The following PIGS variants were observed in gnomAD, a reference collection of about 807,000 sequenced individuals.
PIGS encodes the protein GPI-anchor transamidase component PIGS.
In PIGS, 37 loss-of-function variants were observed where a neutral mutation model predicts 58.2. That is an observed-to-expected ratio of 0.64 (90% CI 0.49 to 0.84). The LOEUF (loss-of-function observed/expected upper bound fraction) is 0.84, where lower values mean the gene tolerates loss of function less well. PIGS is among the 40% of genes least tolerant of loss of function. The pLI, the probability that PIGS is intolerant of heterozygous loss-of-function variation, is 0.00. For missense variants in PIGS, 629 were observed against 710.8 expected (o/e 0.88, Z 1.31); for synonymous variants, 269 against 289.2 (o/e 0.93, Z 0.71).
chr17:28,557,949 C>T (rs529541630), intron 8 of PIGS, among the ~76,000 whole-genome samples: 3 of 152,248 alleles, frequency 2.0e-5, no homozygotes, highest in South Asian at 2.1e-4. Context: ...CTAGGAATCA[C>T]GTTTAATAAA....
intron 10 of PIGS, chr17:28,555,405 A>G (rs980852451): frequency 3.5e-6 from 1 of 287,654 alleles, no homozygotes; most frequent in African/African-American, 2.3e-5. Context: ...AAATGGGGCC[A>G]ATGGGACTTA....
chr17:28,562,740 T>G (rs1003780244), intron 5 of PIGS, among the ~76,000 whole-genome samples: 1 of 150,830 alleles, frequency 6.6e-6, no homozygotes, highest in Non-Finnish European at 1.5e-5. Flanking sequence ...GGCCGATTCT[T>G]GTATTGTTAG....
In PIGS at chr17:28,553,605, T is replaced by C; in HGVS notation, c.*615A>G. The C allele has an allele frequency of 6.5e-6, 1 of 154,058 alleles. No individual in the cohort carries two copies. The highest frequency in any genetic ancestry group is 2.4e-5 in the African/African-American group (1 of 41,244). 9.5% of individuals were successfully genotyped at this position (154,058 alleles called of 1,614,324 possible). On this transcript the variant is annotated 3_prime_UTR_variant, in exon 12 of 12. Coordinates refer to ENST00000308360, the MANE Select transcript of PIGS (RefSeq NM_033198.4). ...AAACAAGGATTTGAATTCAGGACTG[T>C]TTGATTCCAAATCTGGAACTTTCTG...
At chr17:28,566,210 G>A (rs2151514101) in intron 3 of PIGS, among the ~76,000 whole-genome samples, 1 of 135,484 alleles carries the variant, frequency 7.4e-6, no homozygotes, top group East Asian at 2.2e-4. Context: ...TTCAGCCTGA[G>A]TGTCAGACCC....
chr17:28,564,923 A>G (rs1168027214), intron 3 of PIGS, among the ~76,000 whole-genome samples: 3 of 152,176 alleles, frequency 2.0e-5, no homozygotes, highest in African/African-American at 7.2e-5. Context: ...ACAAAATATT[A>G]AACATAATTC....
chr17:28,561,714 C>T lies in PIGS; in HGVS notation c.469-85G>A, dbSNP rs866519873. On this transcript the variant is annotated intron_variant, in intron 5 of 11. Coordinates refer to ENST00000308360, the MANE Select transcript of PIGS (RefSeq NM_033198.4). Reference sequence around the variant, plus strand: ...CCTGGCTCCTACTGTTCCGAATCTGCCCCTTTGCCAATGACCAACAGGTTT... The same window carrying T: ...CCTGGCTCCTACTGTTCCGAATCTGTCCCTTTGCCAATGACCAACAGGTTT... The T allele has an allele frequency of 1.4e-5, 19 of 1,386,816 alleles. 1 individual carries two copies. In the Middle Eastern group the frequency reaches 2.2e-3, roughly 160 times the overall value. The allele number at this position is 1,386,816 out of a possible 1,614,324, so 85.9% of individuals were successfully genotyped here. A position where few individuals can be genotyped will look rare whatever the true frequency, so the allele number is the denominator to read the frequency against.
intron 10 of PIGS, 32 bp from the exon 11 acceptor site, chr17:28,555,093 C>T: frequency 6.4e-7 from 1 of 1,566,584 alleles, no homozygotes; most frequent in Non-Finnish European, 8.7e-7. Flanking sequence ...ATCAAGGTGG[C>T]TGAGACCACA....
chr17:28,570,518 A>G (rs2151515035), intron 3 of PIGS, among the ~76,000 whole-genome samples: 1 of 152,326 alleles, frequency 6.6e-6, no homozygotes, highest in South Asian at 2.1e-4. Context: ...CTCAAAATAT[A>G]ATAAATAAAT....
In PIGS at chr17:28,571,096, G is replaced by T; in HGVS notation, c.127C>A (p.Arg43=). The T allele has an allele frequency of 6.2e-7, 1 of 1,614,080 alleles. No homozygotes were observed. Among genetic ancestry groups the T allele is most frequent in the South Asian group, 1.1e-5 (1 of 91,082 alleles). Residue 43 remains arginine (R), a synonymous_variant, in exon 2 of 12, where the codon CGG becomes AGG. Coordinates refer to ENST00000308360, the MANE Select transcript of PIGS (RefSeq NM_033198.4). ...ATCTGGGAGTAAGGCAACGAGGCCC[G>T]GTAGGTCTCCGTGGTCTTCCACCAG... is the stretch of plus-strand genomic sequence containing the variant. ...PLWWKTTETY[R]ASLPYSQISG... is the part of the protein sequence containing the mutation.
intron 3 of PIGS, among the ~76,000 whole-genome samples, chr17:28,566,289 G>A (rs367913847): frequency 8.0e-5 from 4 of 49,786 alleles, no homozygotes; most frequent in Non-Finnish European, 1.7e-4. Context: ...TTTTTTTTTT[G>A]TTTTTTTGGG....
chr17:28,563,318 G>C (rs2070374980), intron 5 of PIGS, 113 bp downstream of exon 5: 2 of 970,378 alleles, frequency 2.1e-6, no homozygotes, highest in Admixed American at 2.2e-5. Flanking sequence ...TTTTTTTGGA[G>C]AGTTTTCTGT....
At chr17:28,569,885 G>A (rs1374743084) in intron 3 of PIGS, among the ~76,000 whole-genome samples, 2 of 152,204 alleles carry the variant, frequency 1.3e-5, no homozygotes, top group African/African-American at 4.8e-5. Context: ...GGCACACAGC[G>A]AGCAACAACT....
At chr17:28,558,674 G>GAC (rs2070345290) in intron 7 of PIGS, 84 bp from the exon 8 acceptor site, 1 of 1,087,834 alleles carries the variant, frequency 9.2e-7, no homozygotes, top group South Asian at 1.4e-5. Context: ...CCTTAAAAAA[G>GAC]ACACAATCAG....
At chr17:28,563,712 CAA>C (rs2070378628) in intron 4 of PIGS, 104 bp downstream of exon 4, 11 of 1,336,970 alleles carry the variant, frequency 8.2e-6, no homozygotes, top group East Asian at 2.3e-5. Context: ...CCCAGCATTC[CAA>C]GAGAGGTTTT....
chr17:28,559,941 C>T, intron 7 of PIGS, 108 bp downstream of exon 7: 1 of 1,401,640 alleles, frequency 7.1e-7, no homozygotes, highest in Non-Finnish European at 9.6e-7. Flanking sequence ...CATATACACA[C>T]AGGAAATTCC....
intron 3 of PIGS, among the ~76,000 whole-genome samples, chr17:28,566,566 C>T (rs1017814191): frequency 5.9e-4 from 89 of 150,754 alleles, no homozygotes; most frequent in African/African-American, 1.7e-3. Context: ...GCTGGGATTA[C>T]AGGCGTGAGC....
At chr17:28,571,307 T>C in intron 1 of PIGS, 119 bp from the exon 2 acceptor site, 1 of 1,516,380 alleles carries the variant, frequency 6.6e-7, no homozygotes, top group Non-Finnish European at 8.9e-7. Flanking sequence ...GGGATCTCCG[T>C]GCGAAGGGAC....
chr17:28,566,226 CA>C (rs35456812), intron 3 of PIGS, among the ~76,000 whole-genome samples: 773 of 55,626 alleles, frequency 0.014, 7 homozygotes, highest in African/African-American at 0.042. Context: ...GACCCTATCT[CA>C]AAAAAAAAAA....
chr17:28,565,840 G>A (rs2070390967), intron 3 of PIGS, among the ~76,000 whole-genome samples: 1 of 152,120 alleles, frequency 6.6e-6, no homozygotes, highest in Non-Finnish European at 1.5e-5. Flanking sequence ...GACCAGCCTG[G>A]CCACCATGGT....
Sources: allele counts gnomAD v4.1 joint callset (sites outside exome capture counted in the v4.1 genomes callset), GRCh38; gene constraint gnomAD v4.1.1; transcripts MANE v1.5; gene names NCBI Gene and HGNC (gene_info 2026-07-23, HGNC 2026-07-21).